CHCHD3: variants seen among roughly 807,000 people sequenced by gnomAD.
CHCHD3 encodes MICOS complex subunit MIC19.
In CHCHD3, 20 loss-of-function variants were observed where a neutral mutation model predicts 38.2. The ratio of observed to expected loss-of-function variants is 0.52; its 90% CI spans 0.37 to 0.76. The LOEUF (loss-of-function observed/expected upper bound fraction) is 0.76, where lower values mean the gene tolerates loss of function less well. CHCHD3 is among the 30% of genes least tolerant of loss of function. The probability of loss-of-function intolerance (pLI) is 0.00; values close to 1 mark genes in which losing one functional copy is unlikely to be tolerated. For synonymous variants in CHCHD3, 82 were observed against 100.0 expected (o/e 0.82, Z 1.07); for missense variants, 245 against 279.2 (o/e 0.88, Z 0.87).
chr7:132,896,306 A>T (rs1415266017), intron 4 of CHCHD3, among the ~76,000 whole-genome samples: 3 of 152,228 alleles, frequency 2.0e-5, no homozygotes, highest in African/African-American at 4.8e-5. Context: ...CAAGGCTGAG[A>T]TTCCATTGAC....
intron 4 of CHCHD3, among the ~76,000 whole-genome samples, chr7:132,951,157 G>A (rs990855829): frequency 1.3e-5 from 2 of 152,136 alleles, no homozygotes; most frequent in Non-Finnish European, 2.9e-5. Flanking sequence ...AGGAAAATCA[G>A]AAGTAGTGAA....
At chr7:132,909,951 G>T (rs1303766944) in intron 4 of CHCHD3, among the ~76,000 whole-genome samples, 1 of 152,166 alleles carries the variant, frequency 6.6e-6, no homozygotes, top group Non-Finnish European at 1.5e-5. Flanking sequence ...AAATAATCAG[G>T]TATGAGCTTT....
chr7:132,821,747 C>CATTT (rs1807380375), intron 6 of CHCHD3, among the ~76,000 whole-genome samples: 1 of 100,288 alleles, frequency 1.0e-5, no homozygotes, highest in African/African-American at 4.5e-5. Flanking sequence ...GCACTCAAAT[C>CATTT]TTTTTTTTTT....
At chr7:133,015,642 T>C (rs978222776) in intron 3 of CHCHD3, among the ~76,000 whole-genome samples, 7 of 152,146 alleles carry the variant, frequency 4.6e-5, no homozygotes, top group African/African-American at 1.7e-4. Context: ...TTAAAGAAGG[T>C]ATTCCCTGTC....
At position 132,785,341 on chromosome 7, in the gene CHCHD3, T is replaced by G. The variant is rs1343824613; in HGVS notation, c.*296A>C. 2.5e-6 allele frequency: 1 copy of G among 393,948 alleles called. No individual in the cohort carries two copies. The highest frequency in any genetic ancestry group is 2.1e-5 in the African/African-American group (1 of 48,660). 24.4% of individuals were successfully genotyped at this position (393,948 alleles called of 1,614,324 possible). A position where few individuals can be genotyped will look rare whatever the true frequency, so the allele number is the denominator to read the frequency against. ...AGAAACATTTTATGGTCAGTGCAAG[T>G]TGAATAGAAAGTACCAAAAGGTGGA... On this transcript the variant is annotated 3_prime_UTR_variant, in exon 8 of 8. Transcript: ENST00000262570.
In CHCHD3 at chr7:132,803,056, A is replaced by G. The variant is rs542834282; in HGVS notation, c.525-6479T>C. Among the ~76,000 whole-genome samples, 10 of 152,308 alleles carry G rather than the reference A, an allele frequency of 6.6e-5. No individual in the cohort carries two copies. The East Asian group carries it at 1.9e-3, about 29-fold the overall frequency. On this transcript the variant is annotated intron_variant, in intron 6 of 7. Transcript: ENST00000262570. ...TAAAAACAAGCACTAGTGGGTTAACAATGCAGTTTTCTAGCAGCAGTTATA... is the reference window on the plus strand; with the variant it reads ...TAAAAACAAGCACTAGTGGGTTAACGATGCAGTTTTCTAGCAGCAGTTATA...
intron 5 of CHCHD3, among the ~76,000 whole-genome samples, chr7:132,872,152 G>A (rs557523103): frequency 9.2e-5 from 14 of 152,340 alleles, no homozygotes; most frequent in African/African-American, 3.1e-4. Context: ...TTGAGGCAGA[G>A]CCTGGGGAAG....
intron 3 of CHCHD3, among the ~76,000 whole-genome samples, chr7:133,010,243 G>C (rs62465321): frequency 0.051 from 7,799 of 152,246 alleles, 270 homozygotes; most frequent in Middle Eastern, 0.092. Flanking sequence ...CAGTTTGATG[G>C]CAGAGTGGGG....
chr7:132,965,039 C>G (rs1811423010), intron 4 of CHCHD3, among the ~76,000 whole-genome samples: 1 of 145,458 alleles, frequency 6.9e-6, no homozygotes, highest in Non-Finnish European at 1.5e-5. Context: ...GCTAAGTAGG[C>G]TCATAATGCT....
intron 2 of CHCHD3, among the ~76,000 whole-genome samples, chr7:133,040,714 G>A (rs1434505107): frequency 2.0e-5 from 3 of 152,034 alleles, no homozygotes; most frequent in Non-Finnish European, 2.9e-5. Flanking sequence ...TGAACACGTC[G>A]ATGATGTATA....
At chr7:132,970,049 C>A (rs1302682456) in intron 4 of CHCHD3, among the ~76,000 whole-genome samples, 1 of 152,138 alleles carries the variant, frequency 6.6e-6, no homozygotes, top group African/African-American at 2.4e-5. Context: ...CAATTATAAA[C>A]AGGACCTAGG....
At chr7:132,813,349 C>T (rs921983295) in intron 6 of CHCHD3, 2 of 152,164 alleles carry the variant, frequency 1.3e-5, no homozygotes, top group Admixed American at 1.3e-4. Context: ...ATGTTTTAGC[C>T]ATTTACTGTG....
chr7:132,970,355 C>T (rs1811583170), intron 4 of CHCHD3, among the ~76,000 whole-genome samples: 1 of 152,160 alleles, frequency 6.6e-6, no homozygotes, highest in African/African-American at 2.4e-5. Flanking sequence ...TCAGTAGATG[C>T]AATCAGTCAT....
intron 4 of CHCHD3, among the ~76,000 whole-genome samples, chr7:132,963,630 A>G (rs1478692051): frequency 1.3e-5 from 1 of 77,876 alleles, no homozygotes; most frequent in Non-Finnish European, 2.6e-5. Context: ...CTCCATCTCA[A>G]AAAAAAAAAA....
intron 5 of CHCHD3, among the ~76,000 whole-genome samples, chr7:132,840,324 A>G (rs1037049863): frequency 6.6e-6 from 1 of 152,252 alleles, no homozygotes; most frequent in African/African-American, 2.4e-5. Flanking sequence ...CTCACTAAAG[A>G]TGAGAAACTC....
At position 133,041,347 on chromosome 7, in the gene CHCHD3, C is replaced by T. The variant is rs372542494; in HGVS notation, c.170-16720G>A. ...CAAATAACAAGGAATTTATAGATTGCACATCAATGACTAAATTACCTTTCC... is the reference window on the plus strand; with the variant it reads ...CAAATAACAAGGAATTTATAGATTGTACATCAATGACTAAATTACCTTTCC... On this transcript the variant is annotated intron_variant, in intron 2 of 7. Coordinates refer to ENST00000262570, the MANE Select transcript of CHCHD3 (RefSeq NM_017812.4). 1.7e-4 allele frequency among the ~76,000 whole-genome samples: 26 copies of T among 152,276 alleles called. 1 individual carries two copies. The highest frequency in any genetic ancestry group is 3.4e-3 in the Middle Eastern group (1 of 294).
intron 6 of CHCHD3, among the ~76,000 whole-genome samples, chr7:132,822,404 CA>C (rs1238682186): frequency 4.6e-5 from 7 of 151,748 alleles, no homozygotes; most frequent in Non-Finnish European, 8.8e-5. Flanking sequence ...ATAATTTTCA[CA>C]AAACATGATT....
chr7:132,808,315 C>T (rs1181042189), intron 6 of CHCHD3, among the ~76,000 whole-genome samples: 1 of 152,150 alleles, frequency 6.6e-6, no homozygotes, highest in African/African-American at 2.4e-5. Context: ...TGCTCTCTCC[C>T]CACCTGCTTT....
chr7:132,866,967 A>T (rs1808642922), intron 5 of CHCHD3, among the ~76,000 whole-genome samples: 1 of 152,206 alleles, frequency 6.6e-6, no homozygotes, highest in African/African-American at 2.4e-5. Flanking sequence ...GTAGCATCTA[A>T]TCGGAGGCCT....
Sources: allele counts gnomAD v4.1 joint callset (sites outside exome capture counted in the v4.1 genomes callset), GRCh38; gene constraint gnomAD v4.1.1; transcripts MANE v1.5; gene names NCBI Gene and HGNC (gene_info 2026-07-23, HGNC 2026-07-21).